The following HSP90AA1 variants were observed in gnomAD, a reference collection of about 807,000 sequenced individuals.
HSP90AA1 encodes the protein heat shock protein HSP 90-alpha.
In HSP90AA1, 18 loss-of-function variants were observed where a neutral mutation model predicts 73.3. The ratio of observed to expected loss-of-function variants is 0.25; its 90% CI spans 0.17 to 0.36. The LOEUF (loss-of-function observed/expected upper bound fraction) is 0.36, where lower values mean the gene tolerates loss of function less well. Among genes scored for constraint, HSP90AA1 ranks in the 10% least tolerant of loss-of-function variants. HSP90AA1 has a pLI of 1.00. For synonymous variants in HSP90AA1, 477 were observed against 296.9 expected (o/e 1.61, Z -6.24); for missense variants, 704 against 874.2 (o/e 0.81, Z 2.45).
chr14:102,093,980 A>G (rs10149953), intron 2 of HSP90AA1, among the ~76,000 whole-genome samples: 13,772 of 95,820 alleles, frequency 0.14, 1,013 homozygotes, highest in East Asian at 0.3. Context: ...AAAAGAAAAA[A>G]GAAGGAAGGT....
intron 1 of HSP90AA1, among the ~76,000 whole-genome samples, chr14:102,137,105 T>G (rs2050010174): frequency 6.6e-6 from 1 of 151,560 alleles, no homozygotes; most frequent in Non-Finnish European, 1.5e-5. Context: ...TCCCAGCTAT[T>G]CGGGAGACTG....
upstream of HSP90AA1, among the ~76,000 whole-genome samples, chr14:102,089,370 C>T (rs142762948): frequency 5.3e-5 from 8 of 152,332 alleles, no homozygotes; most frequent in Non-Finnish European, 1.0e-4. Context: ...CTTCTTCCTT[C>T]CACAACTTCT....
chr14:102,104,736 T>C (rs2049540250), intron 1 of HSP90AA1, among the ~76,000 whole-genome samples: 1 of 152,100 alleles, frequency 6.6e-6, no homozygotes, highest in Non-Finnish European at 1.5e-5. Flanking sequence ...CTTCGACTCA[T>C]CTTTCCCTCT....
rs578192824 is a variant in HSP90AA1 at position 102,082,643 on chromosome 14, T to G, written c.1756-199A>C. The stretch of plus-strand genomic sequence containing the variant: ...TACATGCACAATTTTTTTTTTGAGA[T>G]AGAGTCTCGCTCCATCACCCAGGCT... On this transcript the variant is annotated intron_variant, in intron 9 of 10. Transcript: ENST00000216281. 24 of 596,140 alleles carry G rather than the reference T, an allele frequency of 4.0e-5. No individual in the cohort carries two copies. In the South Asian group the frequency reaches 4.7e-4, roughly 12 times the overall value. The allele number at this position is 596,140 out of a possible 1,614,324, so 36.9% of individuals were successfully genotyped here. A position where few individuals can be genotyped will look rare whatever the true frequency, so the allele number is the denominator to read the frequency against.
intron 1 of HSP90AA1, among the ~76,000 whole-genome samples, chr14:102,120,511 C>T (rs1228572386): frequency 2.6e-5 from 4 of 151,954 alleles, no homozygotes; most frequent in Non-Finnish European, 5.9e-5. Context: ...ATAAGAAATA[C>T]GTATTACTCT....
intron 1 of HSP90AA1, among the ~76,000 whole-genome samples, chr14:102,134,474 C>T (rs1172349394): frequency 1.3e-5 from 2 of 152,178 alleles, no homozygotes; most frequent in East Asian, 1.9e-4. Context: ...AGAATGAAGC[C>T]GCGGACCCTC....
intron 1 of HSP90AA1, among the ~76,000 whole-genome samples, chr14:102,104,554 C>G (rs540301740): frequency 3.9e-5 from 6 of 152,126 alleles, no homozygotes; most frequent in Admixed American, 2.6e-4. Flanking sequence ...GTGCAATGAC[C>G]AAATCAGGGT....
At chr14:102,127,573 T>C (rs1446426185) in intron 1 of HSP90AA1, among the ~76,000 whole-genome samples, 2 of 152,070 alleles carry the variant, frequency 1.3e-5, no homozygotes, top group Non-Finnish European at 2.9e-5. Flanking sequence ...TTTGAGGGGG[T>C]AGGAGACAGC....
intron 1 of HSP90AA1, among the ~76,000 whole-genome samples, chr14:102,130,034 G>C (rs1250549923): frequency 1.3e-5 from 2 of 150,072 alleles, no homozygotes; most frequent in Non-Finnish European, 3.0e-5. Context: ...GCAATGGTGT[G>C]ATCTCGGCTC....
chr14:102,131,443 A>C (rs1324748959), intron 1 of HSP90AA1, among the ~76,000 whole-genome samples: 2 of 151,912 alleles, frequency 1.3e-5, no homozygotes, highest in Admixed American at 1.3e-4. Flanking sequence ...TTCCTGTTCT[A>C]CTCTTGCTTC....
At chr14:102,136,109 T>C (rs10144947) in intron 1 of HSP90AA1, among the ~76,000 whole-genome samples, 1,918 of 152,330 alleles carry the variant, frequency 0.013, 47 homozygotes, top group African/African-American at 0.044. Context: ...TTTCAAATAA[T>C]TGAAAGTTTT....
chr14:102,135,172 G>A (rs1161503769), intron 1 of HSP90AA1, among the ~76,000 whole-genome samples: 2 of 149,850 alleles, frequency 1.3e-5, no homozygotes, highest in Admixed American at 6.7e-5. Context: ...CCCTGAGCTA[G>A]ACATAAAAGT....
intron 6 of HSP90AA1, chr14:102,084,184 A>G (rs866214572): frequency 1.5e-6 from 1 of 678,672 alleles, no homozygotes; most frequent in South Asian, 1.8e-5. Flanking sequence ...AGCTGTTTTC[A>G]TGCCTCAGCC....
At chr14:102,119,316 T>C (rs2049745060) in intron 1 of HSP90AA1, among the ~76,000 whole-genome samples, 1 of 152,228 alleles carries the variant, frequency 6.6e-6, no homozygotes, top group Non-Finnish European at 1.5e-5. Flanking sequence ...CTCAAGAACA[T>C]GGTGTGCCTT....
chr14:102,118,924 G>A (rs763029108), intron 1 of HSP90AA1, among the ~76,000 whole-genome samples: 20 of 148,050 alleles, frequency 1.4e-4, no homozygotes, highest in African/African-American at 4.2e-4. Context: ...GTGCAATCTC[G>A]GCTCACTGCA....
intron 1 of HSP90AA1, among the ~76,000 whole-genome samples, chr14:102,105,849 C>T (rs568736826): frequency 1.3e-5 from 2 of 152,256 alleles, no homozygotes; most frequent in South Asian, 2.1e-4. Flanking sequence ...ATAGGTAGAT[C>T]ACCTGAGGTC....
At position 102,084,525 on chromosome 14, in the gene HSP90AA1, G is replaced by A. The variant is rs768451527; in HGVS notation, c.1021C>T (p.Leu341=). 4 of 1,614,208 alleles carry A rather than the reference G, an allele frequency of 2.5e-6. No individual in the cohort carries two copies. Among genetic ancestry groups the A allele is most frequent in the Admixed American group, 1.7e-5 (1 of 60,026 alleles). The stretch of plus-strand genomic sequence containing the variant: ...AAAGGAGCACGTCGTGGGACAAATA[G>A]AAGGGCTCTGAATTCCAACTGTCCT... ...VEGQLEFRAL[L]FVPRRAPFDL... Residue 341 remains leucine, a synonymous_variant, in exon 6 of 11, where the codon CTA becomes TTA. Coordinates refer to ENST00000216281, the MANE Select transcript of HSP90AA1 (RefSeq NM_005348.4).
chr14:102,085,840 A>T lies in HSP90AA1; in HGVS notation c.447T>A (p.Thr149=). Residue 149 remains threonine, a synonymous_variant, in exon 3 of 11, where the codon ACT becomes ACA. Coordinates refer to ENST00000216281, the MANE Select transcript of HSP90AA1 (RefSeq NM_005348.4). ...YSAYLVAEKV[T]VITKHNDDEQ... ...CATCATCGTTATGTTTGGTGATCAC[A>T]GTTACTTTCTCAGCAACCAAATAAG... The T allele has an allele frequency of 6.2e-7, 1 of 1,613,970 alleles. No individual in the cohort carries two copies. Among genetic ancestry groups the T allele is most frequent in the Non-Finnish European group, 8.5e-7 (1 of 1,179,854 alleles).
At chr14:102,084,061 A>C in intron 6 of HSP90AA1, 78 bp from the exon 7 acceptor site, 2 of 1,110,574 alleles carry the variant, frequency 1.8e-6, no homozygotes, top group Non-Finnish European at 2.7e-6. Context: ...AAAATCAAAG[A>C]TAACCTGAAG....
Sources: gnomAD v4.1 joint callset for allele counts (sites outside exome capture counted in the v4.1 genomes callset) on GRCh38, gnomAD v4.1.1 for gene constraint, MANE v1.5 for transcripts, NCBI Gene and HGNC (gene_info 2026-07-23, HGNC 2026-07-21) for gene names.